LSG1: variants seen among roughly 807,000 people sequenced by gnomAD.
LSG1 encodes large 60S subunit nuclear export GTPase 1.
Under a neutral mutation model 82.6 loss-of-function variants are expected in LSG1, and 55 were observed. That is an observed-to-expected ratio of 0.67 (90% CI 0.54 to 0.83). The LOEUF (loss-of-function observed/expected upper bound fraction) is 0.83, where lower values mean the gene tolerates loss of function less well. LSG1 is among the 40% of genes least tolerant of loss of function. LSG1 has a pLI of 0.00. For synonymous variants in LSG1, 272 were observed against 282.5 expected, an observed-to-expected ratio of 0.96 and a Z score of 0.37; for missense variants, 809 against 807.9, an observed-to-expected ratio of 1.00 and a Z score of -0.02.
rs1165918034 is a variant in LSG1, at chr3:194,672,166, A to T, written c.-4T>A. 6.3e-7 allele frequency: 1 copy of T among 1,595,774 alleles called. No individual in the cohort carries two copies. The highest frequency in any genetic ancestry group is 8.5e-7 in the Non-Finnish European group (1 of 1,175,170). ...CCGGGGCTCTCCTCCGGCCCATGGC[A>T]ACACGACCGCTGGACGAAGCTTCCC... On this transcript the variant is annotated 5_prime_UTR_variant, in exon 1 of 14. Transcript: ENST00000265245.
chr3:194,671,928 T>C, intron 1 of LSG1, 136 bp downstream of exon 1: 1 of 761,824 alleles, frequency 1.3e-6, no homozygotes. Context: ...CTACTCAGCT[T>C]GGCAGAAACT....
intron 7 of LSG1, among the ~76,000 whole-genome samples, chr3:194,653,421 A>C (rs1456202525): frequency 1.3e-5 from 2 of 151,984 alleles, no homozygotes; most frequent in African/African-American, 4.8e-5. Flanking sequence ...AGGCTGAAGC[A>C]GGAGAACTGC....
At position 194,642,075 on chromosome 3, in the gene LSG1, T is replaced by A. The variant is rs753795281; in HGVS notation, c.1970A>T (p.Asp657Val). ...TTCTGTTGCAGCCCAACCTCACATA[T>A]CCAGGTGCTTGTAGAGTCTACGACT... ...EKSRRLYKHL[D>V]M The change falls in exon 14 of 14, where the codon GAT becomes GTT. Residue 657 changes from aspartate to valine, a missense_variant. Coordinates refer to ENST00000265245, the MANE Select transcript of LSG1 (RefSeq NM_018385.3). The A allele has an allele frequency of 6.2e-6, 10 of 1,612,192 alleles. No homozygotes were observed. The African/African-American group carries it at 1.2e-4, about 19-fold the overall frequency.
chr3:194,644,303 A>C (rs905694065), intron 13 of LSG1, among the ~76,000 whole-genome samples: 1 of 150,152 alleles, frequency 6.7e-6, no homozygotes, highest in Non-Finnish European at 1.5e-5. Context: ...CGGAGCTTGC[A>C]GTGAGCCAAG....
Position 194,651,131 on chromosome 3 carries a change from T to G in LSG1, c.1259A>C (p.His420Pro). The G allele has an allele frequency of 6.2e-7, 1 of 1,614,238 alleles. No individual in the cohort carries two copies. The highest frequency in any genetic ancestry group is 1.1e-5 in the South Asian group (1 of 91,088). ...CAGAAATACCTGAAAGTGCTTTGTG[T>G]GACCAGGTGTGGCAGACACAGATAC... ...KKVSVSATPG[H>P]TKHFQTLYVE... is the part of the protein sequence containing the mutation. The change falls in exon 9 of 14, where the codon CAC becomes CCC. Residue 420 changes from histidine (H) to proline (P), a missense_variant. Coordinates refer to ENST00000265245, the MANE Select transcript of LSG1 (RefSeq NM_018385.3).
chr3:194,671,524 C>T (rs1204159919), intron 1 of LSG1, among the ~76,000 whole-genome samples: 1 of 152,076 alleles, frequency 6.6e-6, no homozygotes, highest in Non-Finnish European at 1.5e-5. Context: ...CAAGCCAAAT[C>T]ACTTCATTCA....
At chr3:194,651,062 C>T in intron 9 of LSG1, 38 bp from the exon 10 acceptor site, 1 of 1,614,004 alleles carries the variant, frequency 6.2e-7, no homozygotes, top group Non-Finnish European at 8.5e-7. Flanking sequence ...GGGTATACAA[C>T]AGATAAAAGG....
intron 12 of LSG1, chr3:194,645,210 C>T (rs1339267304): frequency 6.6e-6 from 1 of 152,568 alleles, no homozygotes; most frequent in Admixed American, 6.5e-5. Flanking sequence ...AAGGCTGTGA[C>T]TATTTTTACC....
chr3:194,644,519 G>C (rs556892840), intron 13 of LSG1, 54 bp downstream of exon 13: 2 of 1,415,234 alleles, frequency 1.4e-6, no homozygotes, highest in African/African-American at 1.4e-5. Flanking sequence ...ACTCAATAAA[G>C]CTGTTATAAA....
rs1560219689 is a variant in LSG1 at position 194,645,543 on chromosome 3, C to CACACACACAGACAG, written c.1623+620_1623+621insCTGTCTGTGTGTGT. 3.8e-3 allele frequency: 172 copies of CACACACACAGACAG among 45,356 alleles called. 6 individuals are homozygous for CACACACACAGACAG. Among genetic ancestry groups the CACACACACAGACAG allele is most frequent in the African/African-American group, 0.013 (160 of 11,922 alleles). The allele number at this position is 45,356 out of a possible 1,614,324, so 2.8% of individuals were successfully genotyped here. ...ACACACACACACAGACAGACACACA[C>CACACACACAGACAG]ACACACACACACACACACACACACA... On this transcript the variant is annotated intron_variant, in intron 12 of 13. Transcript: ENST00000265245.
intron 11 of LSG1, among the ~76,000 whole-genome samples, chr3:194,646,721 A>G (rs1718562079): frequency 6.6e-6 from 1 of 152,176 alleles, no homozygotes; most frequent in South Asian, 2.1e-4. Flanking sequence ...GGGTTTCACC[A>G]CGTTGTTCAG....
Position 194,651,120 on chromosome 3 carries a change from A to G in LSG1, c.1270T>C (p.Phe424Leu), listed in dbSNP as rs145899409. 1 of 1,614,078 alleles carries G rather than the reference A, an allele frequency of 6.2e-7. No individual in the cohort carries two copies. The highest frequency in any genetic ancestry group is 1.3e-5 in the African/African-American group (1 of 74,940). ...GCAAAGCACCACAGAAATACCTGAA[A>G]GTGCTTTGTGTGACCAGGTGTGGCA... Reference protein sequence around the residue: ...VSATPGHTKHFQTLYVEPGLC... With the variant: ...VSATPGHTKHLQTLYVEPGLC... Residue 424 changes from phenylalanine (F) to leucine (L), a missense_variant, in exon 9 of 14, where the codon TTT becomes CTT. Transcript: ENST00000265245.
exon 1 of LSG1, chr3:194,672,184 AGCTTCCCGGCTCGGCGCGT>A: frequency 6.4e-7 from 1 of 1,561,576 alleles, no homozygotes; most frequent in Non-Finnish European, 8.7e-7. Context: ...CGCTGGACGA[AGCTTCCCGGCTCGGCGCGT>A]GCAGTTTCCG....
At chr3:194,646,677 C>T (rs1206813290) in intron 11 of LSG1, among the ~76,000 whole-genome samples, 1 of 152,176 alleles carries the variant, frequency 6.6e-6, no homozygotes, top group Non-Finnish European at 1.5e-5. Context: ...CATGCCACCA[C>T]GCCTGGCTAC....
At chr3:194,655,565 T>C (rs913586253) in intron 7 of LSG1, among the ~76,000 whole-genome samples, 1 of 152,166 alleles carries the variant, frequency 6.6e-6, no homozygotes, top group Admixed American at 6.6e-5. Flanking sequence ...TTTAGAATAG[T>C]GGTGTCTGGT....
chr3:194,644,042 A>G (rs994484646), intron 13 of LSG1, among the ~76,000 whole-genome samples: 12 of 152,230 alleles, frequency 7.9e-5, no homozygotes, highest in South Asian at 2.1e-4. Flanking sequence ...GCTGGGGGAA[A>G]AAAGGGGACA....
chr3:194,659,939 C>G (rs1007719667), intron 6 of LSG1, 134 bp downstream of exon 6: 1 of 704,332 alleles, frequency 1.4e-6, no homozygotes, highest in African/African-American at 1.8e-5. Context: ...AGCTCCTGGC[C>G]TTGGAAGGAG....
In LSG1 at chr3:194,641,762, C is replaced by A. The variant is rs557502217; in HGVS notation, c.*306G>T. ...CCGAGTAGCTGGGATTACAGGTGCG[C>A]GCCACCACGCCTGGCTAATTTTTTT... On this transcript the variant is annotated 3_prime_UTR_variant, in exon 14 of 14. Coordinates refer to ENST00000265245, the MANE Select transcript of LSG1 (RefSeq NM_018385.3). The A allele has an allele frequency of 9.1e-5, 18 of 198,574 alleles. No individual in the cohort carries two copies. The highest frequency in any genetic ancestry group is 1.0e-4 in the Non-Finnish European group (10 of 98,340). The allele number at this position is 198,574 out of a possible 1,614,324, so 12.3% of individuals were successfully genotyped here. A position where few individuals can be genotyped will look rare whatever the true frequency, so the allele number is the denominator to read the frequency against.
chr3:194,650,961 C>A lies in LSG1; in HGVS notation c.1339G>T (p.Val447Leu). 6.2e-7 allele frequency: 1 copy of A among 1,614,156 alleles called. No homozygotes were observed. The highest frequency in any genetic ancestry group is 8.5e-7 in the Non-Finnish European group (1 of 1,180,042). The change falls in exon 10 of 14, where the codon GTG (valine) becomes TTG (leucine). Residue 447 changes from valine (V) to leucine (L), a missense_variant. Physicochemically the swap from Val to Leu is conservative, Grantham distance 32 (BLOSUM62 1). Coordinates refer to ENST00000265245, the MANE Select transcript of LSG1 (RefSeq NM_018385.3). ...DCPGLVMPSF[V>L]STKAEMTCSG... ...CAAGTCATTTCTGCCTTGGTAGACA[C>A]AAAAGATGGCATCACCAAGCCAGGA...
Sources: gnomAD v4.1 joint callset for allele counts (sites outside exome capture counted in the v4.1 genomes callset) on GRCh38, gnomAD v4.1.1 for gene constraint, MANE v1.5 for transcripts, NCBI Gene and HGNC (gene_info 2026-07-23, HGNC 2026-07-21) for gene names.